NFATC3: variants seen among roughly 807,000 people sequenced by gnomAD.
NFATC3 encodes nuclear factor of activated T-cells, cytoplasmic 3.
A neutral mutation model predicts 98.6 loss-of-function variants in NFATC3; 46 were observed. The observed-to-expected ratio is 0.47, with a 90% CI of 0.37 to 0.60. The LOEUF (loss-of-function observed/expected upper bound fraction) is 0.60, where lower values mean the gene tolerates loss of function less well. Ranked by LOEUF, NFATC3 falls within the 20% of genes least tolerant of loss-of-function variation. The pLI is 0.00. For missense variants in NFATC3, 1,256 were observed against 1,295.5 expected (o/e 0.97, Z 0.47); for synonymous variants, 512 against 472.2 (o/e 1.08, Z -1.09).
chr16:68,129,693 T>TG (rs2037021596), intron 3 of NFATC3, among the ~76,000 whole-genome samples: 2 of 148,272 alleles, frequency 1.3e-5, no homozygotes, highest in Admixed American at 6.8e-5. Flanking sequence ...TTTTTTTTTT[T>TG]AAGAGCTAGG....
At chr16:68,163,895 A>C (rs1018975947) in intron 4 of NFATC3, among the ~76,000 whole-genome samples, 2 of 149,698 alleles carry the variant, frequency 1.3e-5, no homozygotes, top group Non-Finnish European at 3.0e-5. Context: ...GCGGCCGGGC[A>C]GAGACGCTCC....
chr16:68,106,786 T>C (rs1196385499), intron 1 of NFATC3, among the ~76,000 whole-genome samples: 1 of 151,952 alleles, frequency 6.6e-6, no homozygotes, highest in Admixed American at 6.6e-5. Flanking sequence ...TGGATACATG[T>C]GCAGGATATG....
chr16:68,167,982 G>A (rs995262977), intron 5 of NFATC3, among the ~76,000 whole-genome samples: 6 of 151,178 alleles, frequency 4.0e-5, no homozygotes, highest in South Asian at 4.2e-4. Context: ...ACAGGCACCC[G>A]CCACCATATC....
chr16:68,164,053 C>T (rs1299812623), intron 4 of NFATC3, among the ~76,000 whole-genome samples: 3 of 152,126 alleles, frequency 2.0e-5, no homozygotes, highest in Non-Finnish European at 2.9e-5. Flanking sequence ...AGGCAGGCGG[C>T]TGGGAGGTGG....
intron 3 of NFATC3, among the ~76,000 whole-genome samples, chr16:68,131,172 A>G (rs184875255): frequency 1.3e-5 from 2 of 151,894 alleles, no homozygotes; most frequent in African/African-American, 4.8e-5. Flanking sequence ...TGTTTTTTCT[A>G]TTTCTATGAA....
chr16:68,123,801 A>G (rs1024227937), intron 2 of NFATC3, among the ~76,000 whole-genome samples: 1 of 150,856 alleles, frequency 6.6e-6, no homozygotes, highest in African/African-American at 2.4e-5. Flanking sequence ...CCTGGGTGAC[A>G]TGGCAAAACC....
chr16:68,131,881 T>G (rs1386785450), intron 3 of NFATC3, among the ~76,000 whole-genome samples: 1 of 152,134 alleles, frequency 6.6e-6, no homozygotes, highest in South Asian at 2.1e-4. Context: ...CTCAGAATAG[T>G]GGAGAAATCT....
chr16:68,187,395 T>G (rs2040249106), intron 8 of NFATC3, among the ~76,000 whole-genome samples: 1 of 152,176 alleles, frequency 6.6e-6, no homozygotes, highest in Admixed American at 6.5e-5. Context: ...TCAACCCTGT[T>G]TGTATTACAA....
At chr16:68,136,331 A>G (rs2037405693) in intron 3 of NFATC3, among the ~76,000 whole-genome samples, 1 of 151,972 alleles carries the variant, frequency 6.6e-6, no homozygotes, top group Non-Finnish European at 1.5e-5. Context: ...GCAGTAGTGC[A>G]ATGTCAGCTC....
chr16:68,173,235 T>G (rs1281991018), intron 5 of NFATC3, among the ~76,000 whole-genome samples: 1 of 149,582 alleles, frequency 6.7e-6, no homozygotes, highest in Non-Finnish European at 1.5e-5. Context: ...GGGCAATAAA[T>G]AACCTGGGCA....
intron 3 of NFATC3, among the ~76,000 whole-genome samples, chr16:68,152,378 CAAAAAAA>C (rs34713933): frequency 2.6e-5 from 2 of 75,854 alleles, no homozygotes; most frequent in Non-Finnish European, 5.2e-5. Context: ...GACTCTGTCT[CAAAAAAA>C]AAAAAAAAAA....
At chr16:68,195,468 G>A (rs765131307) in intron 9 of NFATC3, among the ~76,000 whole-genome samples, 2 of 151,866 alleles carry the variant, frequency 1.3e-5, no homozygotes, top group Admixed American at 6.6e-5. Context: ...TCAGGAGTTC[G>A]AGTCCAGTCT....
chr16:68,202,042 T>C (rs1432465229), intron 9 of NFATC3, among the ~76,000 whole-genome samples: 1 of 151,928 alleles, frequency 6.6e-6, no homozygotes, highest in East Asian at 1.9e-4. Flanking sequence ...CCCATTTAAT[T>C]TATGATTGAG....
intron 3 of NFATC3, among the ~76,000 whole-genome samples, chr16:68,133,885 A>T (rs28431294): frequency 0.03 from 4,331 of 143,688 alleles, 77 homozygotes; most frequent in Middle Eastern, 0.058. Flanking sequence ...CCTTTTTTTT[A>T]AAAAAAAAAA....
intron 1 of NFATC3, among the ~76,000 whole-genome samples, chr16:68,104,690 C>T (rs1487594615): frequency 8.5e-5 from 11 of 128,914 alleles, no homozygotes; most frequent in African/African-American, 2.3e-4. Flanking sequence ...CTGGCTCTGT[C>T]GCCCAGGCTG....
At chr16:68,115,511 G>A (rs2151489779) in intron 1 of NFATC3, among the ~76,000 whole-genome samples, 1 of 151,762 alleles carries the variant, frequency 6.6e-6, no homozygotes, top group Admixed American at 6.6e-5. Context: ...TGCGACCTCC[G>A]CCTCCCGGGT....
chr16:68,191,720 A>G lies in NFATC3; in HGVS notation c.3051A>G (p.Glu1017=). The G allele has an allele frequency of 6.2e-7, 1 of 1,614,164 alleles. No homozygotes were observed. The highest frequency in any genetic ancestry group is 1.1e-5 in the South Asian group (1 of 91,082). The change falls in exon 9 of 10, where the codon GAA becomes GAG. Residue 1017 remains glutamate, a synonymous_variant. Transcript: ENST00000346183. ...GATVSIKPEP[E]DREPNFATIG... Reference sequence around the variant, plus strand: ...CTGTGAGCATTAAACCTGAACCAGAAGATCGAGAGCCTAACTTTGCAACCA... The same window carrying G: ...CTGTGAGCATTAAACCTGAACCAGAGGATCGAGAGCCTAACTTTGCAACCA...
intron 1 of NFATC3, among the ~76,000 whole-genome samples, chr16:68,087,318 A>G (rs952463742): frequency 8.5e-5 from 13 of 152,244 alleles, no homozygotes; most frequent in African/African-American, 2.9e-4. Context: ...TGACTACATA[A>G]GTAGGAATTG....
chr16:68,221,297 A>G (rs764172397), intron 9 of NFATC3: 1 of 1,613,428 alleles, frequency 6.2e-7, no homozygotes, highest in Non-Finnish European at 8.5e-7. Context: ...GAGAGCCTGA[A>G]CCCAGAGCCC....
Sources: allele counts gnomAD v4.1 joint callset (sites outside exome capture counted in the v4.1 genomes callset), GRCh38; gene constraint gnomAD v4.1.1; transcripts MANE v1.5; gene names NCBI Gene and HGNC (gene_info 2026-07-23, HGNC 2026-07-21).